Variants in EVI5 observed in about 807,000 individuals in gnomAD.
EVI5 encodes the protein ecotropic viral integration site 5 protein homolog.
Under a neutral mutation model 112.0 loss-of-function variants are expected in EVI5, and 73 were observed. The ratio of observed to expected loss-of-function variants is 0.65; its 90% confidence interval spans 0.54 to 0.79. The LOEUF (loss-of-function observed/expected upper bound fraction) is 0.79. Among genes scored for constraint, EVI5 ranks in the 30% least tolerant of loss-of-function variants. EVI5 has a pLI of 0.00. For missense variants in EVI5, 900 were observed against 968.8 expected (o/e 0.93, Z 0.94); for synonymous variants, 305 against 319.9 (o/e 0.95, Z 0.50).
intron 19 of EVI5, among the ~76,000 whole-genome samples, chr1:92,523,341 GGACTATTTAATTGGAAGCAA>G (rs1661284041): frequency 6.6e-6 from 1 of 151,686 alleles, no homozygotes; most frequent in Non-Finnish European, 1.5e-5. Flanking sequence ...TGGCAACCAT[GGACTATTTAATTGGAAGCAA>G]ATGAAAAAGG....
chr1:92,735,671 ATATAT>A (rs569190198), intron 2 of EVI5, among the ~76,000 whole-genome samples: 3,664 of 33,770 alleles, frequency 0.11, 124 homozygotes, highest in African/African-American at 0.25. Flanking sequence ...ATTCAACAAA[ATATAT>A]TATATATAAC....
At chr1:92,657,103 G>A (rs547976542) in intron 13 of EVI5, among the ~76,000 whole-genome samples, 8 of 152,162 alleles carry the variant, frequency 5.3e-5, no homozygotes, top group African/African-American at 1.9e-4. Context: ...CAATATCTCT[G>A]ATGAACACAG....
chr1:92,780,323 T>G (rs889340083), intron 1 of EVI5, among the ~76,000 whole-genome samples: 3 of 152,188 alleles, frequency 2.0e-5, no homozygotes, highest in Admixed American at 2.0e-4. Flanking sequence ...CATAGCAGCA[T>G]GAGAACAGAC....
intron 9 of EVI5, among the ~76,000 whole-genome samples, chr1:92,686,313 T>A (rs902365799): frequency 1.3e-5 from 2 of 152,112 alleles, no homozygotes; most frequent in Admixed American, 6.5e-5. Context: ...ATTATCTCAA[T>A]AGATGCAGAA....
chr1:92,622,486 A>G (rs981317668), intron 16 of EVI5: 4 of 193,656 alleles, frequency 2.1e-5, no homozygotes, highest in African/African-American at 7.1e-5. Flanking sequence ...GAGTGGATCA[A>G]TAAATTGAGG....
At chr1:92,550,937 A>G (rs1016750719) in intron 19 of EVI5, among the ~76,000 whole-genome samples, 32 of 145,218 alleles carry the variant, frequency 2.2e-4, no homozygotes, top group African/African-American at 7.8e-4. Flanking sequence ...GATTTAATAG[A>G]TGTATATTAA....
intron 1 of EVI5, among the ~76,000 whole-genome samples, chr1:92,763,697 C>T (rs1472970665): frequency 2.0e-5 from 3 of 152,090 alleles, no homozygotes; most frequent in Non-Finnish European, 4.4e-5. Flanking sequence ...CTTTAGGAGG[C>T]CCAGGAGTGA....
intron 1 of EVI5, among the ~76,000 whole-genome samples, chr1:92,791,507 C>T (rs1686087485): frequency 6.6e-6 from 1 of 152,028 alleles, no homozygotes; most frequent in Non-Finnish European, 1.5e-5. Context: ...CACAAAACAC[C>T]AATGTGCAAA....
In EVI5 at chr1:92,510,331, G is replaced by A. The variant is rs779219668; in HGVS notation, c.*3325C>T. 6.6e-6 allele frequency: 1 copy of A among 152,102 alleles called. No homozygotes were observed. Among genetic ancestry groups the A allele is most frequent in the Non-Finnish European group, 1.5e-5 (1 of 68,020 alleles). The allele number at this position is 152,102 out of a possible 1,614,324, so 9.4% of individuals were successfully genotyped here. On this transcript the variant is annotated 3_prime_UTR_variant, in exon 20 of 20. Coordinates refer to ENST00000684568, the MANE Select transcript of EVI5 (RefSeq NM_001350197.2). ...GATGCATGCTTTAAAGAACAGTGAT[G>A]GGATTCTGGAGTTCTTTCCTTTCTT...
rs540704460 is a variant in EVI5 at position 92,717,871 on chromosome 1, C to CA, written c.150-13128dup. Among the ~76,000 whole-genome samples the CA allele has an allele frequency of 2.8e-3, 374 of 134,848 alleles. 1 individual carries two copies. Among genetic ancestry groups the CA allele is most frequent in the South Asian group, 0.018 (75 of 4,124 alleles). 88.5% of individuals were successfully genotyped at this position (134,848 alleles called of 152,430 possible). On this transcript the variant is annotated intron_variant, in intron 2 of 19. Coordinates refer to ENST00000684568, the MANE Select transcript of EVI5 (RefSeq NM_001350197.2). ...GAAGATCTACCAAGCAATTGGAAAG[C>CA]AAAAAAAAAAACCAGGGGTTGCAAT...
chr1:92,538,087 C>G (rs971183045), intron 19 of EVI5, among the ~76,000 whole-genome samples: 3 of 152,154 alleles, frequency 2.0e-5, no homozygotes, highest in Non-Finnish European at 4.4e-5. Context: ...GAGTCATTTA[C>G]AGAGAATTCT....
At chr1:92,563,796 C>CA in intron 18 of EVI5, 59 bp from the exon 19 acceptor site, 1 of 967,838 alleles carries the variant, frequency 1.0e-6, no homozygotes, top group Non-Finnish European at 1.7e-6. Flanking sequence ...AGCATGTACT[C>CA]AAATAGTTCA....
At chr1:92,716,233 G>A (rs1367076781) in intron 2 of EVI5, among the ~76,000 whole-genome samples, 1 of 152,138 alleles carries the variant, frequency 6.6e-6, no homozygotes, top group East Asian at 1.9e-4. Context: ...ACCTCATACA[G>A]GCAGGTGCCC....
chr1:92,744,960 G>C (rs1235601888), intron 1 of EVI5, among the ~76,000 whole-genome samples: 1 of 152,008 alleles, frequency 6.6e-6, no homozygotes, highest in Non-Finnish European at 1.5e-5. Context: ...TTTTGAGACA[G>C]AGTCTTGTCA....
At chr1:92,735,021 T>C (rs1677103732) in intron 2 of EVI5, among the ~76,000 whole-genome samples, 1 of 152,200 alleles carries the variant, frequency 6.6e-6, no homozygotes, top group Non-Finnish European at 1.5e-5. Context: ...TTTCATACAC[T>C]GCTGGCGGGA....
At chr1:92,694,260 G>T (rs984565668) in intron 8 of EVI5, 39 bp downstream of exon 8, 3 of 1,223,122 alleles carry the variant, frequency 2.5e-6, no homozygotes, top group African/African-American at 3.1e-5. Context: ...ACTAAACTCT[G>T]TCTCAAAAAA....
At chr1:92,615,337 C>T (rs34221961) in intron 16 of EVI5, among the ~76,000 whole-genome samples, 30,327 of 152,078 alleles carry the variant, frequency 0.2, 3,513 homozygotes, top group Non-Finnish European at 0.25. Context: ...GCAGATACTA[C>T]GCCTCAAATC....
At chr1:92,527,668 C>T (rs1422628986) in intron 19 of EVI5, among the ~76,000 whole-genome samples, 1 of 152,124 alleles carries the variant, frequency 6.6e-6, no homozygotes, top group Non-Finnish European at 1.5e-5. Flanking sequence ...AGGTAACCAC[C>T]ATTCTGATAT....
intron 13 of EVI5, among the ~76,000 whole-genome samples, chr1:92,653,602 A>C (rs1281802310): frequency 6.6e-6 from 1 of 152,238 alleles, no homozygotes; most frequent in African/African-American, 2.4e-5. Flanking sequence ...GCATGGGTGC[A>C]TCAGAGCACA....
Sources: allele counts gnomAD v4.1 joint callset (sites outside exome capture counted in the v4.1 genomes callset), GRCh38; gene constraint gnomAD v4.1.1; transcripts MANE v1.5; gene names NCBI Gene and HGNC (gene_info 2026-07-23, HGNC 2026-07-21).